STX8: variants seen among roughly 807,000 people sequenced by gnomAD.
STX8 encodes syntaxin 8, also known as syntaxin-8.
A neutral mutation model predicts 37.5 loss-of-function variants in STX8; 23 were observed. The ratio of observed to expected loss-of-function variants is 0.61; its 90% CI spans 0.44 to 0.87. The LOEUF (loss-of-function observed/expected upper bound fraction) is 0.87, where lower values mean the gene tolerates loss of function less well. Among genes scored for constraint, STX8 ranks in the 40% least tolerant of loss-of-function variants. The pLI is 0.00. For synonymous variants in STX8, 115 were observed against 99.1 expected (o/e 1.16, Z -0.95); for missense variants, 313 against 284.7 (o/e 1.10, Z -0.71).
chr17:9,472,442 G>A (rs1422608266), intron 6 of STX8, among the ~76,000 whole-genome samples: 1 of 152,208 alleles, frequency 6.6e-6, no homozygotes, highest in African/African-American at 2.4e-5. Flanking sequence ...TTGTCTTGGG[G>A]ACCCCCACCG....
chr17:9,270,675 A>C (rs1286653672), intron 7 of STX8, among the ~76,000 whole-genome samples: 1 of 152,218 alleles, frequency 6.6e-6, no homozygotes, highest in Non-Finnish European at 1.5e-5. Flanking sequence ...TGAGTGAAGA[A>C]ATGAACGAAT....
chr17:9,449,917 G>A (rs191245794), intron 6 of STX8, among the ~76,000 whole-genome samples: 293 of 151,674 alleles, frequency 1.9e-3, no homozygotes, highest in Admixed American at 4.4e-3. Flanking sequence ...CCAGGAGTTT[G>A]AGGCCAGCCT....
intron 7 of STX8, among the ~76,000 whole-genome samples, chr17:9,333,293 C>T (rs1281138862): frequency 6.6e-6 from 1 of 152,158 alleles, no homozygotes; most frequent in Non-Finnish European, 1.5e-5. Context: ...TTGTTCCCAT[C>T]TTTATGTCCA....
At chr17:9,450,904 C>T (rs2142401897) in intron 6 of STX8, among the ~76,000 whole-genome samples, 1 of 152,000 alleles carries the variant, frequency 6.6e-6, no homozygotes, top group East Asian at 1.9e-4. Flanking sequence ...TTGCAGCCTT[C>T]CTCCATAAGA....
At chr17:9,544,337 C>T (rs1374644784) in intron 4 of STX8, among the ~76,000 whole-genome samples, 1 of 152,078 alleles carries the variant, frequency 6.6e-6, no homozygotes, top group East Asian at 1.9e-4. Flanking sequence ...CCTTGGAAAG[C>T]CCGACCCGTC....
chr17:9,465,216 A>G (rs1401360374), intron 6 of STX8, among the ~76,000 whole-genome samples: 1 of 152,064 alleles, frequency 6.6e-6, no homozygotes, highest in Non-Finnish European at 1.5e-5. Flanking sequence ...TAACTGAGGA[A>G]ATGTCAGGCA....
chr17:9,272,362 A>T (rs943050141), intron 7 of STX8, among the ~76,000 whole-genome samples: 1 of 152,256 alleles, frequency 6.6e-6, no homozygotes, highest in Non-Finnish European at 1.5e-5. Context: ...ACTACCCGGC[A>T]GGGAGTGGCT....
chr17:9,562,601 GAAA>G (rs748400596), intron 2 of STX8, among the ~76,000 whole-genome samples: 68 of 49,364 alleles, frequency 1.4e-3, no homozygotes, highest in Admixed American at 3.0e-3. Flanking sequence ...ACAGTTCACA[GAAA>G]AAAAAAAAAA....
At chr17:9,254,852 CATGT>C (rs1906727970) in intron 7 of STX8, among the ~76,000 whole-genome samples, 1 of 151,886 alleles carries the variant, frequency 6.6e-6, no homozygotes, top group African/African-American at 2.4e-5. Flanking sequence ...CACGTGTGTG[CATGT>C]GTGTGTGTGT....
At chr17:9,495,351 TGTTATA>T (rs1280074652) in intron 5 of STX8, among the ~76,000 whole-genome samples, 2 of 152,214 alleles carry the variant, frequency 1.3e-5, no homozygotes, top group African/African-American at 4.8e-5. Context: ...GGATGACTGA[TGTTATA>T]GTAAAATTCT....
intron 7 of STX8, among the ~76,000 whole-genome samples, chr17:9,372,581 G>A (rs956656565): frequency 2.0e-5 from 3 of 151,738 alleles, no homozygotes; most frequent in Admixed American, 2.0e-4. Flanking sequence ...GGGTTCAAGC[G>A]ATTCTCCTGC....
At chr17:9,425,763 G>T (rs1276597150) in intron 6 of STX8, among the ~76,000 whole-genome samples, 1 of 152,138 alleles carries the variant, frequency 6.6e-6, no homozygotes, top group Non-Finnish European at 1.5e-5. Flanking sequence ...ACTAAGCACG[G>T]ACGACAATCT....
At chr17:9,511,882 T>A (rs2142509577) in intron 4 of STX8, among the ~76,000 whole-genome samples, 1 of 152,106 alleles carries the variant, frequency 6.6e-6, no homozygotes, top group Non-Finnish European at 1.5e-5. Flanking sequence ...GATAAACAAA[T>A]TTAGTAAAGT....
At chr17:9,549,396 C>A (rs1033292441) in intron 3 of STX8, among the ~76,000 whole-genome samples, 1 of 152,090 alleles carries the variant, frequency 6.6e-6, no homozygotes, top group African/African-American at 2.4e-5. Flanking sequence ...CTAGAAGAGG[C>A]CTTAAAGATC....
chr17:9,418,044 G>A (rs1913261837), intron 6 of STX8, among the ~76,000 whole-genome samples: 1 of 152,156 alleles, frequency 6.6e-6, no homozygotes, highest in Non-Finnish European at 1.5e-5. Context: ...AAGATTGTGG[G>A]AACCTCCAGT....
At chr17:9,350,180 G>C (rs1449263508) in intron 7 of STX8, among the ~76,000 whole-genome samples, 1 of 144,232 alleles carries the variant, frequency 6.9e-6, no homozygotes, top group African/African-American at 2.5e-5. Context: ...AATGACTAAT[G>C]AATGGGCCGC....
intron 7 of STX8, among the ~76,000 whole-genome samples, chr17:9,303,119 C>T (rs953991037): frequency 2.6e-5 from 4 of 151,924 alleles, no homozygotes; most frequent in African/African-American, 9.7e-5. Context: ...TGGTGAACCC[C>T]GTCTCTACTA....
chr17:9,391,849 T>A (rs539024495), intron 6 of STX8, among the ~76,000 whole-genome samples: 1 of 152,200 alleles, frequency 6.6e-6, no homozygotes, highest in African/African-American at 2.4e-5. Flanking sequence ...ACCAGGAAGA[T>A]CACAGACTGG....
At position 9,315,436 on chromosome 17, in the gene STX8, G is replaced by A. The variant is rs181781606; in HGVS notation, c.643+63116C>T. ...GAGGCTGCACGCAGCATGCTTCTGA[G>A]TCTTCCATCTCACCCTTTGATGTAA... is the stretch of plus-strand genomic sequence containing the variant. On this transcript the variant is annotated intron_variant, in intron 7 of 7. Transcript: ENST00000306357. Among the ~76,000 whole-genome samples, 46 of 152,302 alleles carry A rather than the reference G, an allele frequency of 3.0e-4. No homozygotes were observed. In the East Asian group the frequency reaches 6.7e-3, roughly 22 times the overall value.
Sources: allele counts gnomAD v4.1 joint callset (sites outside exome capture counted in the v4.1 genomes callset), GRCh38; gene constraint gnomAD v4.1.1; transcripts MANE v1.5; gene names NCBI Gene and HGNC (gene_info 2026-07-23, HGNC 2026-07-21).